The following TPCN1 variants were observed in gnomAD, a reference collection of about 807,000 sequenced individuals.
The protein encoded by TPCN1 is two pore channel protein 1.
A neutral mutation model predicts 108.8 loss-of-function variants in TPCN1; 52 were observed. That is an observed-to-expected ratio of 0.48 (90% confidence interval 0.38 to 0.60). TPCN1 has a LOEUF of 0.60. Among genes scored for constraint, TPCN1 ranks in the 20% least tolerant of loss-of-function variants. The pLI is 0.00. For missense variants in TPCN1, 806 were observed against 1,072.8 expected (o/e 0.75, Z 3.47); for synonymous variants, 446 against 433.7 (o/e 1.03, Z -0.35).
chr12:113,230,453 G>A (rs1953646291), intron 2 of TPCN1, among the ~76,000 whole-genome samples: 1 of 151,940 alleles, frequency 6.6e-6, no homozygotes, highest in African/African-American at 2.4e-5. Context: ...CTAATTTTTT[G>A]TATTTTCAGT....
rs910000859 is a variant in TPCN1, at chr12:113,268,272, G to A, written c.528+316G>A. 1.1e-4 allele frequency among the ~76,000 whole-genome samples: 16 copies of A among 152,320 alleles called. No individual in the cohort carries two copies. Among genetic ancestry groups the A allele is most frequent in the African/African-American group, 2.9e-4 (12 of 41,580 alleles). On this transcript the variant is annotated intron_variant, in intron 5 of 27. Coordinates refer to ENST00000335509, the MANE Select transcript of TPCN1 (RefSeq NM_017901.6). The surrounding 1 kb of genome is among the most constrained non-coding windows in gnomAD (Gnocchi z 7.3). ...GCTCACACCCAGCTCTGCCCACTGC[G>A]CCCGGCTCACCTGTCCCTAGTGTTG... is the stretch of plus-strand genomic sequence containing the variant.
In TPCN1 at chr12:113,288,297, C is replaced by T. The variant is rs1369907475; in HGVS notation, c.1706+63C>T. 35 of 1,608,404 alleles carry T rather than the reference C, an allele frequency of 2.2e-5. 1 individual carries two copies. The highest frequency in any genetic ancestry group is 2.0e-4 in the East Asian group (9 of 44,624). ...GCCGTGTGGCAGTGCCCCGTGGGGG[C>T]GGGAGCCGAGTGGCAGTCGGGGGAA... On this transcript the variant is annotated intron_variant, in intron 20 of 27. Transcript: ENST00000335509. The surrounding 1 kb of genome is among the most constrained non-coding windows in gnomAD (Gnocchi z 4.8).
chr12:113,227,072 GC>G, intron 2 of TPCN1, 108 bp downstream of exon 2: 1 of 916,064 alleles, frequency 1.1e-6, no homozygotes, highest in East Asian at 2.7e-5. Flanking sequence ...TTGTTGCCTG[GC>G]CCCACATTTG....
chr12:113,261,098 A>G (rs922771347), intron 3 of TPCN1, among the ~76,000 whole-genome samples: 1 of 152,074 alleles, frequency 6.6e-6, no homozygotes, highest in Non-Finnish European at 1.5e-5. Context: ...AGGCTGAGAC[A>G]GGAGAATCGC....
At position 113,269,536 on chromosome 12, in the gene TPCN1, T is replaced by G. The variant is rs1192755442; in HGVS notation, c.660-221T>G. Among the ~76,000 whole-genome samples, 2 of 152,142 alleles carry G rather than the reference T, an allele frequency of 1.3e-5. No individual in the cohort carries two copies. The highest frequency in any genetic ancestry group is 2.9e-5 in the Non-Finnish European group (2 of 68,026). On this transcript the variant is annotated intron_variant, in intron 6 of 27. Transcript: ENST00000335509. This position sits in a 1 kb window ranked among gnomAD's most constrained non-coding sequence, Gnocchi z 5.0. Reference sequence around the variant, plus strand: ...CTCACCTCCTTGGGGCCTCACCAGGTGGAGGTGGCTGTGTGCTACGCCTGC... The same window carrying G: ...CTCACCTCCTTGGGGCCTCACCAGGGGGAGGTGGCTGTGTGCTACGCCTGC...
chr12:113,279,323 GTGTGTGTGTGTGTGTATATATA>G (rs1566188914), intron 14 of TPCN1, among the ~76,000 whole-genome samples: 4 of 126,214 alleles, frequency 3.2e-5, no homozygotes, highest in Non-Finnish European at 6.4e-5. Flanking sequence ...ATATATGTGT[GTGTGTGTGTGTGTGTATATATA>G]TGTGTGTGTG....
At position 113,226,865 on chromosome 12, in the gene TPCN1, T is replaced by C. The variant is rs1161622123; in HGVS notation, c.13T>C (p.Leu5=). ...AGGAGAAGAGAACATGGCTGTGAGT[T>C]TGGATGACGACGTGCCGCTCATCCT... MAVS[L]DDDVPLILTL... is the part of the protein sequence containing the mutation. Residue 5 remains leucine, a synonymous_variant, in exon 2 of 28, where the codon TTG becomes CTG. Transcript: ENST00000335509. 2 of 1,614,122 alleles carry C rather than the reference T, an allele frequency of 1.2e-6. No homozygotes were observed. Among genetic ancestry groups the C allele is most frequent in the South Asian group, 1.1e-5 (1 of 91,070 alleles).
At position 113,231,738 on chromosome 12, in the gene TPCN1, C is replaced by T. The variant is rs773543585; in HGVS notation, c.112+4774C>T. 1.3e-5 allele frequency among the ~76,000 whole-genome samples: 2 copies of T among 152,118 alleles called. No individual in the cohort carries two copies. The highest frequency in any genetic ancestry group is 6.5e-5 in the Admixed American group (1 of 15,274). On this transcript the variant is annotated intron_variant, in intron 2 of 27. Transcript: ENST00000335509. The surrounding 1 kb of genome is among the most constrained non-coding windows in gnomAD (Gnocchi z 4.3). ...CTCAGACATCTTTGGGCTCTAAGTGCGGCTGCTGCAGTGCTAATGAATGAC... is the reference window on the plus strand; with the variant it reads ...CTCAGACATCTTTGGGCTCTAAGTGTGGCTGCTGCAGTGCTAATGAATGAC...
In TPCN1 at chr12:113,273,736, G is replaced by C. The variant is rs1955583208; in HGVS notation, c.942+68G>C. On this transcript the variant is annotated intron_variant, in intron 10 of 27. Coordinates refer to ENST00000335509, the MANE Select transcript of TPCN1 (RefSeq NM_017901.6). The surrounding 1 kb of genome is among the most constrained non-coding windows in gnomAD (Gnocchi z 4.0). The stretch of plus-strand genomic sequence containing the variant: ...TACCCATGCAGCACTAGGCACTGTG[G>C]GAGTGGAGAAGTGGGGACTGTCTTC... 7.8e-6 allele frequency: 10 copies of C among 1,275,966 alleles called. No individual in the cohort carries two copies. Among genetic ancestry groups the C allele is most frequent in the Non-Finnish European group, 1.1e-5 (10 of 875,972 alleles). The allele number at this position is 1,275,966 out of a possible 1,614,324, so 79.0% of individuals were successfully genotyped here.
intron 27 of TPCN1, among the ~76,000 whole-genome samples, chr12:113,294,802 C>T (rs902597842): frequency 6.6e-6 from 1 of 152,200 alleles, no homozygotes; most frequent in Non-Finnish European, 1.5e-5. Context: ...GTCTTCTCAA[C>T]CACCTCAGGG....
At chr12:113,277,426 CGG>C in intron 12 of TPCN1, 62 bp downstream of exon 12, 2 of 1,601,322 alleles carry the variant, frequency 1.2e-6, no homozygotes, top group Non-Finnish European at 1.7e-6. Context: ...CTAGAGTGAA[CGG>C]GGGCATGTGA....
chr12:113,281,855 T>C (rs116260010), intron 15 of TPCN1, among the ~76,000 whole-genome samples: 4,944 of 151,914 alleles, frequency 0.033, 252 homozygotes, highest in African/African-American at 0.11. Context: ...TTTAAGGTCA[T>C]GTGGGATAGT....
At chr12:113,285,237 C>T (rs1179826731) in intron 17 of TPCN1, among the ~76,000 whole-genome samples, 3 of 152,236 alleles carry the variant, frequency 2.0e-5, no homozygotes, top group Admixed American at 2.0e-4. Context: ...TCTGTGCCCC[C>T]AGGGTTGCCC....
Position 113,288,898 on chromosome 12 carries a change from G to T in TPCN1, c.1796+51G>T, listed in dbSNP as rs1213004130. ...GCAGCCTGCATTTCCCGGGCAGAGG[G>T]CTGGCCAGGGCCAGGATTGGTGTCC... On this transcript the variant is annotated intron_variant, in intron 21 of 27. Transcript: ENST00000335509. The surrounding 1 kb of genome is among the most constrained non-coding windows in gnomAD (Gnocchi z 4.8). The T allele has an allele frequency of 3.8e-6, 6 of 1,575,478 alleles. No homozygotes were observed. The highest frequency in any genetic ancestry group is 2.6e-6 in the Non-Finnish European group (3 of 1,148,110).
chr12:113,248,144 C>T (rs953661492), intron 2 of TPCN1, among the ~76,000 whole-genome samples: 2 of 152,258 alleles, frequency 1.3e-5, no homozygotes, highest in South Asian at 4.1e-4. Context: ...GCCCACTGCA[C>T]CCCGGGTGGA....
At chr12:113,225,697 G>A (rs1237246054) in intron 1 of TPCN1, among the ~76,000 whole-genome samples, 3 of 151,826 alleles carry the variant, frequency 2.0e-5, no homozygotes, top group Admixed American at 6.6e-5. Context: ...TGGGATTACC[G>A]GCACGTGCCA....
chr12:113,239,788 C>T (rs1030093228), intron 2 of TPCN1, among the ~76,000 whole-genome samples: 9 of 152,336 alleles, frequency 5.9e-5, no homozygotes, highest in African/African-American at 7.2e-5. Context: ...TAAGCTTCCC[C>T]GTCGCCGCCC....
At chr12:113,278,906 G>A (rs1955766696) in intron 14 of TPCN1, 71 bp downstream of exon 14, 2 of 1,410,164 alleles carry the variant, frequency 1.4e-6, no homozygotes, top group Non-Finnish European at 2.0e-6. Flanking sequence ...CCACAGATAA[G>A]CGTCTGAGGA....
At chr12:113,260,548 C>T (rs911386173) in intron 3 of TPCN1, 56 bp downstream of exon 3, 1 of 1,536,810 alleles carries the variant, frequency 6.5e-7, no homozygotes, top group African/African-American at 1.4e-5. Flanking sequence ...TGGGGTGGGG[C>T]AGCCAAGACT....
Sources: gnomAD v4.1 joint callset for allele counts (sites outside exome capture counted in the v4.1 genomes callset) on GRCh38, gnomAD v4.1.1 for gene constraint, Gnocchi (gnomAD v3.1) non-coding constraint, MANE v1.5 for transcripts, NCBI Gene and HGNC (gene_info 2026-07-23, HGNC 2026-07-21) for gene names.